The following FAM186B variants were observed in gnomAD, a reference collection of about 807,000 sequenced individuals.
FAM186B encodes family with sequence similarity 186 member B, also known as protein FAM186B.
FAM186B carries 68 observed loss-of-function variants against 83.4 expected under a neutral mutation model. The ratio of observed to expected loss-of-function variants is 0.81; its 90% CI spans 0.67 to 1.00. The LOEUF (loss-of-function observed/expected upper bound fraction) is 1.00, where lower values mean the gene tolerates loss of function less well. Ranked by LOEUF, FAM186B falls within the 50% of genes least tolerant of loss-of-function variation. The pLI, the probability that FAM186B is intolerant of heterozygous loss-of-function variation, is 0.00. For missense variants in FAM186B, 983 were observed against 1,099.2 expected (o/e 0.89, Z 1.49); for synonymous variants, 389 against 422.0 (o/e 0.92, Z 0.96).
intron 5 of FAM186B, among the ~76,000 whole-genome samples, chr12:49,592,728 G>A (rs540792835): frequency 5.6e-4 from 86 of 152,294 alleles, no homozygotes; most frequent in Admixed American, 1.2e-3. Flanking sequence ...GGAGGTTATG[G>A]TGAGCTGAGA....
chr12:49,616,750 G>A, the FAM186B span, among the ~76,000 whole-genome samples: 1 of 152,170 alleles, frequency 6.6e-6, no homozygotes, highest in South Asian at 2.1e-4. Flanking sequence ...GGGCACAAAG[G>A]TTTTTGAGTA....
chr12:49,613,107 A>G, the FAM186B span, among the ~76,000 whole-genome samples: 2 of 152,242 alleles, frequency 1.3e-5, no homozygotes, highest in African/African-American at 4.8e-5. Context: ...TTACATAGAA[A>G]TTAAACAACT....
rs770941319 is a variant in FAM186B, at chr12:49,603,161, T to C, written c.505+24A>G. ...TCCACCCCGTCCCCACCTAGCTCCC[T>C]GGCCAGGTGCTCCTAGAACCTACCT... On this transcript the variant is annotated intron_variant, in intron 3 of 6. Coordinates refer to ENST00000257894, the MANE Select transcript of FAM186B (RefSeq NM_032130.3). 9.9e-6 allele frequency: 16 copies of C among 1,613,634 alleles called. No homozygotes were observed. The South Asian group carries it at 1.8e-4, about 18-fold the overall frequency.
chr12:49,607,376 T>C (rs1457099505), upstream of FAM186B, among the ~76,000 whole-genome samples: 1 of 151,996 alleles, frequency 6.6e-6, no homozygotes, highest in Non-Finnish European at 1.5e-5. Flanking sequence ...GTGGGAATAA[T>C]ATGAGAGAGC....
rs2138287026 is a variant in FAM186B, at chr12:49,599,590, G to A, written c.2050C>T (p.Leu684=). 1 of 1,612,992 alleles carries A rather than the reference G, an allele frequency of 6.2e-7. No homozygotes were observed. The highest frequency in any genetic ancestry group is 2.2e-5 in the East Asian group (1 of 44,884). ...QLLSEESELR[L]PHYLRSKALE... Reference sequence around the variant, plus strand: ...GCTTTGCTGCGCAGGTAGTGGGGCAGCCTCAACTCAGACTCCTCACTCAGG... The same window carrying A: ...GCTTTGCTGCGCAGGTAGTGGGGCAACCTCAACTCAGACTCCTCACTCAGG... The change falls in exon 4 of 7, where the codon CTG becomes TTG. Residue 684 remains leucine, a synonymous_variant. Transcript: ENST00000257894.
chr12:49,619,679 T>C, the FAM186B span: 2 of 456,988 alleles, frequency 4.4e-6, no homozygotes, highest in Non-Finnish European at 4.0e-6. Flanking sequence ...TTTTTTTTTT[T>C]TTTTTTTTTT....
chr12:49,604,207 T>TGGTGGAATGCTTCACTGGAGAA (rs1253512127), intron 2 of FAM186B, 106 bp downstream of exon 2: 1 of 832,648 alleles, frequency 1.2e-6, no homozygotes, highest in African/African-American at 1.7e-5. Context: ...GTGACACGAG[T>TGGTGGAATGCTTCACTGGAGAA]GGTGGAATGC....
intron 5 of FAM186B, among the ~76,000 whole-genome samples, chr12:49,595,862 A>G (rs376202496): frequency 1.3e-3 from 196 of 152,222 alleles, no homozygotes; most frequent in South Asian, 0.011. Flanking sequence ...GTGGGTGCCC[A>G]TAGTCCCAGC....
chr12:49,604,808 T>G (rs891954855), intron 1 of FAM186B: 1 of 326,742 alleles, frequency 3.1e-6, no homozygotes, highest in African/African-American at 2.1e-5. Flanking sequence ...GTCAAGAAAG[T>G]ATAGAACACC....
upstream of FAM186B, among the ~76,000 whole-genome samples, chr12:49,607,112 G>A (rs1014178904): frequency 3.3e-5 from 5 of 151,954 alleles, no homozygotes; most frequent in African/African-American, 9.7e-5. Flanking sequence ...TGAGGATGCT[G>A]CCAAATCAGT....
chr12:49,601,091 T>C lies in FAM186B; in HGVS notation c.549A>G (p.Pro183=). ...GCTGAGGATGGGATGGAGATGTCTG[T>C]GGGCTTCTTCCCTGCCAGCCCTGCC... ...TFWQGWQGRS[P]QTSPSHPQPL... is the part of the protein sequence containing the mutation. The change falls in exon 4 of 7, where the codon CCA becomes CCG. Residue 183 remains proline (P), a synonymous_variant. Coordinates refer to ENST00000257894, the MANE Select transcript of FAM186B (RefSeq NM_032130.3). 1 of 1,593,358 alleles carries C rather than the reference T, an allele frequency of 6.3e-7. No homozygotes were observed. Among genetic ancestry groups the C allele is most frequent in the Non-Finnish European group, 8.6e-7 (1 of 1,167,884 alleles).
At chr12:49,617,344 A>G in the FAM186B span, among the ~76,000 whole-genome samples, 2,430 of 152,272 alleles carry the variant, frequency 0.016, 62 homozygotes, top group African/African-American at 0.054. Flanking sequence ...CAGAAGTTTG[A>G]GACCAGCCTG....
the FAM186B span, chr12:49,619,741 T>C: frequency 3.4e-6 from 1 of 294,602 alleles, no homozygotes; most frequent in Non-Finnish European, 6.3e-6. Flanking sequence ...AGTGGCACAA[T>C]CTTGCTCACT....
upstream of FAM186B, among the ~76,000 whole-genome samples, chr12:49,607,896 C>T (rs755758208): frequency 4.9e-4 from 75 of 151,998 alleles, no homozygotes; most frequent in Non-Finnish European, 6.9e-4. Context: ...GATGGGGTTT[C>T]ACCATGTTGG....
At chr12:49,615,853 A>G in the FAM186B span, among the ~76,000 whole-genome samples, 848 of 152,286 alleles carry the variant, frequency 5.6e-3, 9 homozygotes, top group African/African-American at 0.019. Flanking sequence ...TTCTCAACTT[A>G]TTAGTCATTG....
At chr12:49,585,690 A>G (rs1209309494), downstream of FAM186B, among the ~76,000 whole-genome samples, 6 of 152,172 alleles carry the variant, frequency 3.9e-5, no homozygotes, top group Admixed American at 3.9e-4. Flanking sequence ...ATGAACCCAG[A>G]TGGGGCTGTG....
rs1420258165 is a variant in FAM186B at position 49,600,701 on chromosome 12, G to A, written c.939C>T (p.Ala313=). ...GAGCCTTCTTCAGCTGGAACTCCAA[G>A]GCCTGCTTCATCAGGAGAAGGTCAT... ...RYHDLLLMKQ[A]LEFQLKKAQN... is the part of the protein sequence containing the mutation. The change falls in exon 4 of 7, where the codon GCC becomes GCT. Residue 313 remains alanine (A), a synonymous_variant. Coordinates refer to ENST00000257894, the MANE Select transcript of FAM186B (RefSeq NM_032130.3). This position sits in a 1 kb window ranked among gnomAD's most constrained non-coding sequence, Gnocchi z 4.3. 1 of 1,614,036 alleles carries A rather than the reference G, an allele frequency of 6.2e-7. No individual in the cohort carries two copies. The highest frequency in any genetic ancestry group is 8.5e-7 in the Non-Finnish European group (1 of 1,180,034).
the FAM186B span, chr12:49,619,392 T>C: frequency 4.6e-6 from 2 of 434,874 alleles, no homozygotes; most frequent in Non-Finnish European, 8.3e-6. Flanking sequence ...TCCAAACTTA[T>C]TTGAAAAGCT....
intron 1 of FAM186B, 66 bp from the exon 2 acceptor site, chr12:49,604,604 G>A: frequency 1.4e-6 from 2 of 1,389,352 alleles, no homozygotes; most frequent in Middle Eastern, 1.8e-4. Context: ...CATGCTAGCA[G>A]CGTGACCTTG....
Sources: gnomAD v4.1 joint callset for allele counts (sites outside exome capture counted in the v4.1 genomes callset) on GRCh38, gnomAD v4.1.1 for gene constraint, Gnocchi (gnomAD v3.1) non-coding constraint, MANE v1.5 for transcripts, NCBI Gene and HGNC (gene_info 2026-07-23, HGNC 2026-07-21) for gene names.